Variants in GPR39 observed in about 807,000 individuals in gnomAD.
GPR39 encodes the protein zinc sensing receptor.
GPR39 carries 23 observed loss-of-function variants against 18.4 expected under a neutral mutation model. That is an observed-to-expected ratio of 1.25 (90% CI 0.90 to 1.77). GPR39 has a LOEUF of 1.77. Among genes scored for constraint, GPR39 ranks in the 40% most tolerant of loss-of-function variants. The probability of loss-of-function intolerance (pLI) is 0.00; values close to 1 mark genes in which losing one functional copy is unlikely to be tolerated. For synonymous variants in GPR39, 280 were observed against 257.9 expected (o/e 1.09, Z -0.82); for missense variants, 647 against 602.4 (o/e 1.07, Z -0.78).
At chr2:132,495,852 T>A (rs1342522668) in intron 1 of GPR39, among the ~76,000 whole-genome samples, 1 of 151,956 alleles carries the variant, frequency 6.6e-6, no homozygotes, top group Non-Finnish European at 1.5e-5. Context: ...ATCATTGCTC[T>A]CTTCTTCTTA....
intron 1 of GPR39, among the ~76,000 whole-genome samples, chr2:132,484,284 T>G: frequency 6.6e-6 from 1 of 152,248 alleles, no homozygotes; most frequent in Non-Finnish European, 1.5e-5. Flanking sequence ...GTGTCCTTTG[T>G]GTCCAGCTGT....
intron 1 of GPR39, among the ~76,000 whole-genome samples, chr2:132,579,342 T>C (rs1387820178): frequency 2.6e-5 from 4 of 152,180 alleles, no homozygotes; most frequent in African/African-American, 9.7e-5. Flanking sequence ...TAGATTCTTT[T>C]AAATTTGTTA....
chr2:132,619,007 C>T (rs1009611429), intron 1 of GPR39, among the ~76,000 whole-genome samples: 15 of 152,168 alleles, frequency 9.9e-5, no homozygotes, highest in African/African-American at 1.4e-4. Flanking sequence ...ACCCCGAGGA[C>T]GGACCCAGTA....
intron 1 of GPR39, among the ~76,000 whole-genome samples, chr2:132,497,903 T>G (rs571201136): frequency 2.0e-5 from 3 of 152,318 alleles, no homozygotes; most frequent in Admixed American, 6.5e-5. Context: ...GATTCCTCTA[T>G]GACTGTGCCC....
chr2:132,524,624 C>T lies in GPR39; in HGVS notation c.856+106726C>T, dbSNP rs563443901. The stretch of plus-strand genomic sequence containing the variant: ...CTGTCAGCATCTTTGTCCCAAAATA[C>T]GGCTATAATTGGGTCTCTCCCAAAC... On this transcript the variant is annotated intron_variant, in intron 1 of 1. Transcript: ENST00000329321. Among the ~76,000 whole-genome samples, 13 of 152,314 alleles carry T rather than the reference C, an allele frequency of 8.5e-5. No homozygotes were observed. The East Asian group carries it at 1.7e-3, about 20-fold the overall frequency.
chr2:132,422,039 A>C (rs1680019642), intron 1 of GPR39, among the ~76,000 whole-genome samples: 1 of 152,204 alleles, frequency 6.6e-6, no homozygotes, highest in Admixed American at 6.5e-5. Context: ...TATAGTTACA[A>C]CTATATATTA....
chr2:132,420,982 A>G lies in GPR39; in HGVS notation c.856+3084A>G, dbSNP rs116154739. 6.8e-3 allele frequency among the ~76,000 whole-genome samples: 1,029 copies of G among 152,342 alleles called. 14 individuals are homozygous for G. Among genetic ancestry groups the G allele is most frequent in the African/African-American group, 0.023 (951 of 41,568 alleles). ...TTGCCTCTTGTCAGCCCAGTGACAA[A>G]TCAGTACTAGACTTGGTTTCTGTTT... On this transcript the variant is annotated intron_variant, in intron 1 of 1. Coordinates refer to ENST00000329321, the MANE Select transcript of GPR39 (RefSeq NM_001508.3).
rs557828165 is a variant in GPR39, at chr2:132,428,753, AC to A, written c.856+10856del. On this transcript the variant is annotated intron_variant, in intron 1 of 1. Coordinates refer to ENST00000329321, the MANE Select transcript of GPR39 (RefSeq NM_001508.3). The stretch of plus-strand genomic sequence containing the variant: ...ACTAGAAAAGGGTGAATTGGGAAGG[AC>A]TAAACTCACTAGTTGTGATAAGAAC... 4.6e-5 allele frequency among the ~76,000 whole-genome samples: 7 copies of A among 152,344 alleles called. No homozygotes were observed. In the South Asian group the frequency reaches 1.5e-3, roughly 32 times the overall value.
Position 132,525,671 on chromosome 2 carries a change from G to T in GPR39, c.856+107773G>T, listed in dbSNP as rs115199072. On this transcript the variant is annotated intron_variant, in intron 1 of 1. Transcript: ENST00000329321. ...GGAGGAATGGGACTTCCCTTTGGCC[G>T]TCAGACATACAGCAAGTGCTCACTG... Among the ~76,000 whole-genome samples the T allele has an allele frequency of 2.9e-4, 44 of 152,310 alleles. No homozygotes were observed. In the East Asian group the frequency reaches 8.1e-3, roughly 28 times the overall value.
At chr2:132,613,266 T>A (rs761865669) in intron 1 of GPR39, among the ~76,000 whole-genome samples, 2 of 152,338 alleles carry the variant, frequency 1.3e-5, no homozygotes, top group Non-Finnish European at 2.9e-5. Context: ...TCTGTCGCAC[T>A]CCATGTAGAC....
intron 1 of GPR39, among the ~76,000 whole-genome samples, chr2:132,507,632 C>T (rs928276675): frequency 3.3e-5 from 5 of 152,120 alleles, no homozygotes; most frequent in African/African-American, 1.2e-4. Context: ...GCATGGTCCC[C>T]CACAAAACTG....
chr2:132,447,667 A>C (rs2104768732), intron 1 of GPR39, among the ~76,000 whole-genome samples: 1 of 152,318 alleles, frequency 6.6e-6, no homozygotes, highest in Non-Finnish European at 1.5e-5. Flanking sequence ...GTGTTCCAAA[A>C]ATATTTGTTT....
chr2:132,441,063 T>C (rs1259614775), intron 1 of GPR39, among the ~76,000 whole-genome samples: 3 of 152,376 alleles, frequency 2.0e-5, no homozygotes, highest in South Asian at 2.1e-4. Context: ...GCCATGCTCA[T>C]AAGAAGCCTG....
intron 1 of GPR39, among the ~76,000 whole-genome samples, chr2:132,548,856 G>T (rs1277153335): frequency 2.0e-5 from 3 of 152,132 alleles, no homozygotes; most frequent in Non-Finnish European, 4.4e-5. Flanking sequence ...CTATGCCTGG[G>T]TTATCTTTCA....
At chr2:132,427,135 T>C (rs1558795614) in intron 1 of GPR39, among the ~76,000 whole-genome samples, 1 of 30,898 alleles carries the variant, frequency 3.2e-5, no homozygotes, top group Non-Finnish European at 7.2e-5. Context: ...TAGGTACATA[T>C]ATATATATAT....
intron 1 of GPR39, among the ~76,000 whole-genome samples, chr2:132,546,620 A>C (rs1281205620): frequency 6.6e-6 from 1 of 151,932 alleles, no homozygotes; most frequent in Non-Finnish European, 1.5e-5. Context: ...TCCAACCAAA[A>C]TTACTTTCTC....
chr2:132,474,312 C>T (rs1317032722), intron 1 of GPR39, among the ~76,000 whole-genome samples: 1 of 152,192 alleles, frequency 6.6e-6, no homozygotes, highest in African/African-American at 2.4e-5. Context: ...CTGTCTACTA[C>T]CTCTCATGGC....
chr2:132,460,329 A>G (rs923218765), intron 1 of GPR39, among the ~76,000 whole-genome samples: 3 of 152,132 alleles, frequency 2.0e-5, no homozygotes, highest in Admixed American at 6.5e-5. Flanking sequence ...CAGATGGACA[A>G]TTTCTTGATA....
intron 1 of GPR39, among the ~76,000 whole-genome samples, chr2:132,449,060 G>A (rs1016445786): frequency 1.3e-5 from 2 of 152,186 alleles, no homozygotes; most frequent in Non-Finnish European, 2.9e-5. Flanking sequence ...ACCCTCTTGA[G>A]CTGAGCATTG....
Sources: allele counts gnomAD v4.1 joint callset (sites outside exome capture counted in the v4.1 genomes callset), GRCh38; gene constraint gnomAD v4.1.1; transcripts MANE v1.5; gene names NCBI Gene and HGNC (gene_info 2026-07-23, HGNC 2026-07-21).